The following FNDC3B variants were observed in gnomAD, a reference collection of about 807,000 sequenced individuals.
FNDC3B encodes fibronectin type III domain containing 3B.
FNDC3B carries 12 observed loss-of-function variants against 151.5 expected under a neutral mutation model. The ratio of observed to expected loss-of-function variants is 0.08; its 90% CI spans 0.05 to 0.13. FNDC3B has a LOEUF of 0.13. FNDC3B is among the 10% of genes least tolerant of loss of function. The pLI is 1.00. For missense variants in FNDC3B, 1,214 were observed against 1,505.3 expected (o/e 0.81, Z 3.20); for synonymous variants, 528 against 549.0 (o/e 0.96, Z 0.54).
intron 3 of FNDC3B, among the ~76,000 whole-genome samples, chr3:172,143,824 G>T (rs1300115525): frequency 6.6e-6 from 1 of 151,902 alleles, no homozygotes; most frequent in Non-Finnish European, 1.5e-5. Flanking sequence ...GAGGAGAATC[G>T]CTTGAACCTG....
At chr3:172,368,513 C>G (rs1734738359) in intron 23 of FNDC3B, among the ~76,000 whole-genome samples, 1 of 152,176 alleles carries the variant, frequency 6.6e-6, no homozygotes, top group African/African-American at 2.4e-5. Flanking sequence ...TGATAAATGA[C>G]ATTTTCATAT....
chr3:172,256,309 C>T (rs1157345008), intron 6 of FNDC3B, among the ~76,000 whole-genome samples: 1 of 152,202 alleles, frequency 6.6e-6, no homozygotes, highest in Non-Finnish European at 1.5e-5. Flanking sequence ...GTCTCTCCAA[C>T]ATATTATGAT....
chr3:172,191,599 CA>C (rs1242769909), intron 3 of FNDC3B, among the ~76,000 whole-genome samples: 1 of 152,106 alleles, frequency 6.6e-6, no homozygotes, highest in Non-Finnish European at 1.5e-5. Context: ...TGGGCTCAAA[CA>C]ATCCTCCTGC....
At chr3:172,171,956 A>T (rs1723305469) in intron 3 of FNDC3B, among the ~76,000 whole-genome samples, 1 of 152,150 alleles carries the variant, frequency 6.6e-6, no homozygotes, top group Admixed American at 6.5e-5. Flanking sequence ...TTGTAGCAAA[A>T]TAGGTATGCT....
intron 1 of FNDC3B, among the ~76,000 whole-genome samples, chr3:172,081,593 C>T (rs1031766884): frequency 6.6e-6 from 1 of 152,050 alleles, no homozygotes. Flanking sequence ...AATAAGGCAT[C>T]GACTTGATAG....
At chr3:172,121,768 T>C (rs933917232) in intron 2 of FNDC3B, among the ~76,000 whole-genome samples, 27 of 152,194 alleles carry the variant, frequency 1.8e-4, no homozygotes, top group African/African-American at 6.3e-4. Context: ...GGTCTCCTTA[T>C]GTTGCCCAGG....
At chr3:172,119,059 A>G (rs1177081965) in intron 2 of FNDC3B, among the ~76,000 whole-genome samples, 2 of 151,098 alleles carry the variant, frequency 1.3e-5, no homozygotes, top group Non-Finnish European at 1.5e-5. Context: ...AGTCCCAGCT[A>G]CTTGGGAGGC....
At chr3:172,322,361 G>C (rs1732127890) in intron 11 of FNDC3B, among the ~76,000 whole-genome samples, 1 of 152,198 alleles carries the variant, frequency 6.6e-6, no homozygotes, top group Admixed American at 6.5e-5. Context: ...CCCAGCAAAA[G>C]TTAGAAGCTG....
At chr3:172,096,783 A>G (rs1719110478) in intron 1 of FNDC3B, among the ~76,000 whole-genome samples, 2 of 151,964 alleles carry the variant, frequency 1.3e-5, no homozygotes. Context: ...GCTTTTCTGT[A>G]TTTTCAGATT....
chr3:172,180,782 T>C lies in FNDC3B; in HGVS notation c.188-46089T>C, dbSNP rs117155470. 1.3e-4 allele frequency among the ~76,000 whole-genome samples: 20 copies of C among 152,318 alleles called. 1 individual carries two copies. In the East Asian group the frequency reaches 3.7e-3, roughly 28 times the overall value. ...TAGGAAAGAGCCCATAGAATGGTTATAAAATATGCCTGGATTTGTGGAACC... is the reference window on the plus strand; with the variant it reads ...TAGGAAAGAGCCCATAGAATGGTTACAAAATATGCCTGGATTTGTGGAACC... On this transcript the variant is annotated intron_variant, in intron 3 of 25. Transcript: ENST00000415807.
intron 3 of FNDC3B, among the ~76,000 whole-genome samples, chr3:172,137,596 C>A (rs1415325450): frequency 6.6e-6 from 1 of 152,004 alleles, no homozygotes; most frequent in Non-Finnish European, 1.5e-5. Context: ...TTTGAGGCTG[C>A]AGTGAGCTAT....
chr3:172,307,599 G>C, intron 10 of FNDC3B, 98 bp downstream of exon 10: 1 of 1,244,984 alleles, frequency 8.0e-7, no homozygotes, highest in Non-Finnish European at 1.1e-6. Context: ...AGGCTGAGGA[G>C]GGGGGATCAC....
At chr3:172,179,563 C>G (rs1723775753) in intron 3 of FNDC3B, among the ~76,000 whole-genome samples, 2 of 151,864 alleles carry the variant, frequency 1.3e-5, no homozygotes, top group Admixed American at 6.6e-5. Context: ...TCCCCTCCCC[C>G]ACCACCTCCG....
chr3:172,339,434 G>C (rs1733169908), intron 16 of FNDC3B, among the ~76,000 whole-genome samples: 1 of 152,106 alleles, frequency 6.6e-6, no homozygotes, highest in African/African-American at 2.4e-5. Flanking sequence ...GTGGTGGCAT[G>C]TGCCTGTAAT....
intron 1 of FNDC3B, among the ~76,000 whole-genome samples, chr3:172,096,851 G>A (rs1287086535): frequency 6.6e-6 from 1 of 152,072 alleles, no homozygotes; most frequent in Non-Finnish European, 1.5e-5. Flanking sequence ...ATAAAAATAC[G>A]GGCCAAATAT....
rs1019260971 is a variant in FNDC3B at position 172,179,048 on chromosome 3, CTTAT to C, written c.187+45517_187+45520del. On this transcript the variant is annotated intron_variant, in intron 3 of 25. Transcript: ENST00000415807. Reference sequence around the variant, plus strand: ...TTAGTAGGCCATAGGGCCCCTTTATCTTATTTATTTATTTATTTGTTCATTTATT... The same window carrying C: ...TTAGTAGGCCATAGGGCCCCTTTATCTTATTTATTTATTTGTTCATTTATT... Among the ~76,000 whole-genome samples the C allele has an allele frequency of 2.6e-5, 4 of 152,008 alleles. No individual in the cohort carries two copies. The East Asian group carries it at 5.8e-4, about 22-fold the overall frequency.
intron 25 of FNDC3B, among the ~76,000 whole-genome samples, chr3:172,386,988 G>T (rs1473962183): frequency 1.3e-5 from 2 of 151,924 alleles, no homozygotes; most frequent in East Asian, 1.9e-4. Flanking sequence ...ATGGAGTCTC[G>T]CTCTGTCGCC....
At chr3:172,218,788 C>G (rs1293870165) in intron 3 of FNDC3B, among the ~76,000 whole-genome samples, 1 of 152,192 alleles carries the variant, frequency 6.6e-6, no homozygotes, top group East Asian at 1.9e-4. Flanking sequence ...TTAGCGCCTT[C>G]CTGCCCTGTT....
At chr3:172,079,375 A>G (rs770519646) in intron 1 of FNDC3B, among the ~76,000 whole-genome samples, 7 of 152,128 alleles carry the variant, frequency 4.6e-5, no homozygotes, top group Non-Finnish European at 8.8e-5. Flanking sequence ...CCTTGGTGGG[A>G]TTCTGTGTTG....
Sources: allele counts gnomAD v4.1 joint callset (sites outside exome capture counted in the v4.1 genomes callset), GRCh38; gene constraint gnomAD v4.1.1; transcripts MANE v1.5; gene names NCBI Gene and HGNC (gene_info 2026-07-23, HGNC 2026-07-21).